POU6F2: variants seen among roughly 807,000 people sequenced by gnomAD.
The protein encoded by POU6F2 is POU domain, class 6, transcription factor 2.
POU6F2 carries 31 observed loss-of-function variants against 71.3 expected under a neutral mutation model. The observed-to-expected ratio is 0.43, with a 90% CI of 0.33 to 0.59. The LOEUF is 0.59. POU6F2 is among the 20% of genes least tolerant of loss of function. The pLI is 0.04. For synonymous variants in POU6F2, 347 were observed against 355.7 expected (o/e 0.98, Z 0.27); for missense variants, 783 against 856.8 (o/e 0.91, Z 1.07).
At chr7:39,415,786 A>G (rs740511) in intron 6 of POU6F2, among the ~76,000 whole-genome samples, 6,235 of 152,304 alleles carry the variant, frequency 0.041, 195 homozygotes, top group Non-Finnish European at 0.064. Context: ...GGTATAATCT[A>G]TAATCCTAAC....
chr7:39,353,722 A>G (rs939960410), intron 5 of POU6F2, among the ~76,000 whole-genome samples: 3 of 152,196 alleles, frequency 2.0e-5, no homozygotes, highest in African/African-American at 7.2e-5. Flanking sequence ...ATTGCCCAGC[A>G]GGAGGCCCGG....
At chr7:39,042,506 A>G (rs1790211312) in intron 1 of POU6F2, among the ~76,000 whole-genome samples, 1 of 152,032 alleles carries the variant, frequency 6.6e-6, no homozygotes, top group Admixed American at 6.6e-5. Context: ...GAGTGACGAG[A>G]GTGAACAGAG....
intron 1 of POU6F2, among the ~76,000 whole-genome samples, chr7:39,024,344 T>C (rs2128707388): frequency 6.6e-6 from 1 of 152,090 alleles, no homozygotes; most frequent in Non-Finnish European, 1.5e-5. Flanking sequence ...GTGATTTTTG[T>C]ACATTGATTT....
intron 2 of POU6F2, among the ~76,000 whole-genome samples, chr7:39,199,261 C>A (rs1793845721): frequency 6.6e-6 from 1 of 152,132 alleles, no homozygotes; most frequent in African/African-American, 2.4e-5. Context: ...TCAATCTGCC[C>A]TGGCCGTCAT....
intron 2 of POU6F2, among the ~76,000 whole-genome samples, chr7:39,114,450 C>T (rs1791887130): frequency 1.3e-5 from 2 of 152,080 alleles, no homozygotes; most frequent in African/African-American, 4.8e-5. Context: ...TTCCTCCAGC[C>T]CGCTGCTTTT....
At chr7:39,336,210 A>G (rs564209640) in intron 4 of POU6F2, among the ~76,000 whole-genome samples, 2 of 152,226 alleles carry the variant, frequency 1.3e-5, no homozygotes, top group Non-Finnish European at 2.9e-5. Context: ...AGTGACATTA[A>G]GTATATTTTC....
intron 1 of POU6F2, among the ~76,000 whole-genome samples, chr7:39,058,272 C>A (rs954283273): frequency 6.6e-6 from 1 of 152,290 alleles, no homozygotes; most frequent in Non-Finnish European, 1.5e-5. Context: ...TACTAGGAGC[C>A]AGTCAATGCC....
At chr7:39,260,033 A>G (rs1784101533) in intron 4 of POU6F2, among the ~76,000 whole-genome samples, 1 of 151,468 alleles carries the variant, frequency 6.6e-6, no homozygotes, top group Non-Finnish European at 1.5e-5. Flanking sequence ...CACACCACAC[A>G]TACAATACCA....
intron 5 of POU6F2, among the ~76,000 whole-genome samples, chr7:39,391,316 C>T (rs1787070951): frequency 6.6e-6 from 1 of 151,904 alleles, no homozygotes; most frequent in Non-Finnish European, 1.5e-5. Context: ...TTAATATTTC[C>T]TATATAATAA....
chr7:39,426,955 C>A (rs1787987824), intron 6 of POU6F2, among the ~76,000 whole-genome samples: 1 of 152,166 alleles, frequency 6.6e-6, no homozygotes, highest in Non-Finnish European at 1.5e-5. Flanking sequence ...TCCAATGTAG[C>A]ATTCTATTAT....
chr7:39,031,294 T>A (rs1789937437), intron 1 of POU6F2, among the ~76,000 whole-genome samples: 1 of 152,326 alleles, frequency 6.6e-6, no homozygotes, highest in East Asian at 1.9e-4. Context: ...ATTAATATAC[T>A]GTTATATTGA....
At chr7:39,169,066 T>C (rs1793166764) in intron 2 of POU6F2, among the ~76,000 whole-genome samples, 1 of 152,236 alleles carries the variant, frequency 6.6e-6, no homozygotes. Context: ...TGGAATTAAC[T>C]GAGTTGTACA....
intron 4 of POU6F2, among the ~76,000 whole-genome samples, chr7:39,308,425 GC>G (rs956237986): frequency 2.6e-5 from 4 of 152,314 alleles, no homozygotes; most frequent in African/African-American, 7.2e-5. Context: ...CCCATGAGGG[GC>G]CCTGGGACGT....
chr7:39,244,878 T>G (rs998343030), intron 4 of POU6F2, among the ~76,000 whole-genome samples: 4 of 152,278 alleles, frequency 2.6e-5, no homozygotes, highest in Admixed American at 2.6e-4. Flanking sequence ...GAAAAGGATA[T>G]CATTTATAAA....
intron 5 of POU6F2, among the ~76,000 whole-genome samples, chr7:39,387,015 G>A (rs1354858272): frequency 6.6e-6 from 1 of 152,202 alleles, no homozygotes; most frequent in Admixed American, 6.5e-5. Context: ...ATCTCAGCTG[G>A]AAACACTAGC....
chr7:39,441,093 A>G (rs1788392384), intron 7 of POU6F2, among the ~76,000 whole-genome samples: 2 of 152,130 alleles, frequency 1.3e-5, no homozygotes, highest in African/African-American at 4.8e-5. Context: ...TCTGACCTCA[A>G]GGGGCACCAA....
intron 4 of POU6F2, among the ~76,000 whole-genome samples, chr7:39,259,260 T>TA (rs1212885808): frequency 6.6e-6 from 1 of 152,138 alleles, no homozygotes; most frequent in Non-Finnish European, 1.5e-5. Flanking sequence ...GAGAAAAAAA[T>TA]AAAACAGTGG....
In POU6F2 at chr7:39,096,747, G is replaced by GA. The variant is rs5883673; in HGVS notation, c.277+10726dup. 2.1e-4 allele frequency among the ~76,000 whole-genome samples: 32 copies of GA among 150,648 alleles called. 3 individuals are homozygous for GA. Among genetic ancestry groups the GA allele is most frequent in the Admixed American group, 1.4e-3 (21 of 15,108 alleles). ...TTTGGTAATACACTTTTGCAGCCTA[G>GA]AAAAAAAAAATGACTTAAAATTTAA... On this transcript the variant is annotated intron_variant, in intron 2 of 9. Transcript: ENST00000518318.
Position 39,464,134 on chromosome 7 carries a change from G to T in POU6F2, c.1659-48G>T, listed in dbSNP as rs1286789079. 1 of 1,571,328 alleles carries T rather than the reference G, an allele frequency of 6.4e-7. No homozygotes were observed. Among genetic ancestry groups the T allele is most frequent in the Non-Finnish European group, 8.7e-7 (1 of 1,155,528 alleles). On this transcript the variant is annotated intron_variant, in intron 9 of 9. Transcript: ENST00000518318. This position sits in a 1 kb window ranked among gnomAD's most constrained non-coding sequence, Gnocchi z 4.1. The stretch of plus-strand genomic sequence containing the variant: ...GGCAGGCAGGCAGGAGGCCCACCCT[G>T]GCAGAGGACTCAGTGTAAGACTGTT...
Sources: allele counts gnomAD v4.1 joint callset (sites outside exome capture counted in the v4.1 genomes callset), GRCh38; gene constraint gnomAD v4.1.1; non-coding constraint Gnocchi (gnomAD v3.1); transcripts MANE v1.5; gene names NCBI Gene and HGNC (gene_info 2026-07-23, HGNC 2026-07-21).